The following NPR1 variants were observed in gnomAD, a reference collection of about 807,000 sequenced individuals.
NPR1 encodes the protein natriuretic peptide receptor 1.
NPR1 carries 57 observed loss-of-function variants against 116.9 expected under a neutral mutation model. The ratio of observed to expected loss-of-function variants is 0.49; its 90% CI spans 0.39 to 0.61. The LOEUF is 0.61. Ranked by LOEUF, NPR1 falls within the 20% of genes least tolerant of loss-of-function variation. The pLI, the probability that NPR1 is intolerant of heterozygous loss-of-function variation, is 0.00. For missense variants in NPR1, 1,096 were observed against 1,409.8 expected (o/e 0.78, Z 3.56); for synonymous variants, 555 against 601.6 (o/e 0.92, Z 1.13).
At position 153,689,436 on chromosome 1, in the gene NPR1, C is replaced by G. The variant is rs779325274; in HGVS notation, c.2689-17C>G. ...GTCCCCTACTTCCTGTCTCTCTTAGCTTCTCTTCCCTTCCAGGTGGTGACC... is the reference window on the plus strand; with the variant it reads ...GTCCCCTACTTCCTGTCTCTCTTAGGTTCTCTTCCCTTCCAGGTGGTGACC... On this transcript the variant is annotated splice_polypyrimidine_tract_variant and intron_variant, in intron 17 of 21. Transcript: ENST00000368680. The surrounding 1 kb of genome is among the most constrained non-coding windows in gnomAD (Gnocchi z 5.1). 1 of 1,614,116 alleles carries G rather than the reference C, an allele frequency of 6.2e-7. No individual in the cohort carries two copies. Among genetic ancestry groups the G allele is most frequent in the Non-Finnish European group, 8.5e-7 (1 of 1,179,972 alleles).
Position 153,681,198 on chromosome 1 carries a change from T to G in NPR1, c.940T>G (p.Tyr314Asp). Residue 314 changes from tyrosine to aspartate, a missense_variant, in exon 3 of 22, where the codon TAT becomes GAT. Physicochemically the swap from Tyr to Asp is radical, Grantham distance 160. Transcript: ENST00000368680. ...TTCTCAGGCTGCCAAAATCATTACATATAAAGACCCAGATAATCCCGAGTA... is the reference window on the plus strand; with the variant it reads ...TTCTCAGGCTGCCAAAATCATTACAGATAAAGACCCAGATAATCCCGAGTA... ...QAFQAAKIIT[Y>D]KDPDNPEYLE... The G allele has an allele frequency of 6.2e-7, 1 of 1,611,054 alleles. No individual in the cohort carries two copies.
intron 8 of NPR1, 42 bp from the exon 9 acceptor site, chr1:153,685,764 G>C: frequency 6.7e-7 from 1 of 1,503,286 alleles, no homozygotes; most frequent in Admixed American, 1.7e-5. Context: ...ATGCAGACTG[G>C]GCCCACCGGC....
chr1:153,688,111 G>A lies in NPR1; in HGVS notation c.2307G>A (p.Leu769=). 1 of 1,613,434 alleles carries A rather than the reference G, an allele frequency of 6.2e-7. No homozygotes were observed. The highest frequency in any genetic ancestry group is 8.5e-7 in the Non-Finnish European group (1 of 1,179,562). Residue 769 remains leucine, a synonymous_variant, in exon 15 of 22, where the codon CTG becomes CTA. Transcript: ENST00000368680. ...CCCCCTTCCGGCCCTCCCTGGCCCTGCAGAGTCACCTGGAGGAGTTGGGGC... is the reference window on the plus strand; with the variant it reads ...CCCCCTTCCGGCCCTCCCTGGCCCTACAGAGTCACCTGGAGGAGTTGGGGC... The part of the protein sequence containing the change: ...EQPPFRPSLA[L]QSHLEELGLL...
chr1:153,692,156 A>G (rs148477858), intron 20 of NPR1, among the ~76,000 whole-genome samples: 18 of 152,340 alleles, frequency 1.2e-4, no homozygotes, highest in African/African-American at 3.4e-4. Context: ...TAGGTAGCAC[A>G]TTCCGTTTGA....
In NPR1 at chr1:153,689,592, C is replaced by T. The variant is rs187174194; in HGVS notation, c.2757+71C>T. ...AGGTCAGAAAAAGATGAGGGGTAGG[C>T]AGAATGATGTGGAGTCTTAAGAGAG... On this transcript the variant is annotated intron_variant, in intron 18 of 21. Coordinates refer to ENST00000368680, the MANE Select transcript of NPR1 (RefSeq NM_000906.4). This position sits in a 1 kb window ranked among gnomAD's most constrained non-coding sequence, Gnocchi z 5.1. The T allele has an allele frequency of 3.4e-5, 49 of 1,449,006 alleles. No homozygotes were observed. The East Asian group carries it at 6.1e-4, about 18-fold the overall frequency. The allele number at this position is 1,449,006 out of a possible 1,614,324, so 89.8% of individuals were successfully genotyped here. A position where few individuals can be genotyped will look rare whatever the true frequency, so the allele number is the denominator to read the frequency against.
intron 5 of NPR1, 65 bp downstream of exon 5, chr1:153,682,654 C>A: frequency 2.5e-6 from 3 of 1,217,348 alleles, no homozygotes; most frequent in East Asian, 2.4e-5. Context: ...TACTTCCCCC[C>A]CACAGCCCTG....
At position 153,689,433 on chromosome 1, in the gene NPR1, T is replaced by C; in HGVS notation, c.2689-20T>C. On this transcript the variant is annotated intron_variant, in intron 17 of 21. Coordinates refer to ENST00000368680, the MANE Select transcript of NPR1 (RefSeq NM_000906.4). The surrounding 1 kb of genome is among the most constrained non-coding windows in gnomAD (Gnocchi z 5.1). Reference sequence around the variant, plus strand: ...GGGGTCCCCTACTTCCTGTCTCTCTTAGCTTCTCTTCCCTTCCAGGTGGTG... The same window carrying C: ...GGGGTCCCCTACTTCCTGTCTCTCTCAGCTTCTCTTCCCTTCCAGGTGGTG... The C allele has an allele frequency of 6.2e-7, 1 of 1,613,998 alleles. No homozygotes were observed. The highest frequency in any genetic ancestry group is 1.1e-5 in the South Asian group (1 of 91,082).
Position 153,687,769 on chromosome 1 carries a change from G to GT in NPR1, c.2231dup (p.Leu744PhefsTer16). The stretch of plus-strand genomic sequence containing the variant: ...AGGAGTGGGGTCTTCCACGTGGAAG[G>GT]TTTGGACCTGAGCCCCAAAGGTGAG... On this transcript the variant is annotated frameshift_variant, in exon 14 of 22. Transcript: ENST00000368680. LOFTEE classifies it high-confidence loss of function. The GT allele has an allele frequency of 6.3e-7, 1 of 1,593,670 alleles. No homozygotes were observed. Among genetic ancestry groups the GT allele is most frequent in the East Asian group, 2.3e-5 (1 of 44,248 alleles).
intron 15 of NPR1, 56 bp downstream of exon 15, chr1:153,688,277 C>G: frequency 6.4e-7 from 1 of 1,566,076 alleles, no homozygotes; most frequent in South Asian, 1.2e-5. Flanking sequence ...CACCATTTAC[C>G]TAATGCTTCT....
In NPR1 at chr1:153,679,349, G is replaced by T. The variant is rs1264377206; in HGVS notation, c.241G>T (p.Val81Leu). 3 of 1,539,390 alleles carry T rather than the reference G, an allele frequency of 1.9e-6. No individual in the cohort carries two copies. The South Asian group carries it at 3.6e-5, about 18-fold the overall frequency. The change falls in exon 1 of 22, where the codon GTG becomes TTG. Residue 81 changes from valine (V) to leucine (L), a missense_variant. Transcript: ENST00000368680. The surrounding 1 kb of genome is among the most constrained non-coding windows in gnomAD (Gnocchi z 4.2). ...DLLPGWTVRT[V>L]LGSSENALGV... ...GCTGCCGGGCTGGACGGTCCGCACGGTGCTGGGCAGCAGCGAAAACGCGCT... is the reference window on the plus strand; with the variant it reads ...GCTGCCGGGCTGGACGGTCCGCACGTTGCTGGGCAGCAGCGAAAACGCGCT...
chr1:153,690,135 T>TCA, intron 19 of NPR1, 149 bp from the exon 20 acceptor site: 2 of 593,076 alleles, frequency 3.4e-6, no homozygotes, highest in Non-Finnish European at 2.8e-6. Context: ...TCTCTCTCTC[T>TCA]CTCTCTCACA....
In NPR1 at chr1:153,683,789, G is replaced by C; in HGVS notation, c.1449G>C (p.Leu483Phe). The C allele has an allele frequency of 1.2e-6, 2 of 1,613,994 alleles. No individual in the cohort carries two copies. Among genetic ancestry groups the C allele is most frequent in the Middle Eastern group, 3.3e-4 (2 of 6,062 alleles). Residue 483 changes from leucine (L) to phenylalanine (F), a missense_variant, in exon 7 of 22, where the codon TTG becomes TTC. Transcript: ENST00000368680. ...EVLALVGSLS[L>F]LGILIVSFFI... ...TGGCTTTGGTGGGCAGCCTCTCCTT[G>C]CTCGGCATTCTGATTGTCTCCTTCT... is the stretch of plus-strand genomic sequence containing the variant.
At chr1:153,684,912 G>A in intron 7 of NPR1, 52 bp from the exon 8 acceptor site, 1 of 1,608,942 alleles carries the variant, frequency 6.2e-7, no homozygotes, top group Non-Finnish European at 8.5e-7. Context: ...TGAGCACCCT[G>A]CCCTGGGTCA....
At position 153,688,089 on chromosome 1, in the gene NPR1, C is replaced by G. The variant is rs757805955; in HGVS notation, c.2285C>G (p.Pro762Arg). 1.2e-6 allele frequency: 2 copies of G among 1,612,918 alleles called. No homozygotes were observed. The highest frequency in any genetic ancestry group is 1.3e-5 in the African/African-American group (1 of 74,982). The stretch of plus-strand genomic sequence containing the variant: ...CGGGTGACTCGGGGTGAGCAGCCCC[C>G]CTTCCGGCCCTCCCTGGCCCTGCAG... ...IERVTRGEQPPFRPSLALQSH... is the reference protein window; with the variant it reads ...IERVTRGEQPRFRPSLALQSH... The change falls in exon 15 of 22, where the codon CCC (proline) becomes CGC (arginine). Residue 762 changes from proline (P) to arginine (R), a missense_variant. By Grantham distance (103) the Pro-to-Arg change is moderately radical. Transcript: ENST00000368680.
intron 20 of NPR1, among the ~76,000 whole-genome samples, chr1:153,690,587 A>G (rs1211581145): frequency 6.6e-6 from 1 of 152,032 alleles, no homozygotes; most frequent in Non-Finnish European, 1.5e-5. Flanking sequence ...CCCTCTTGTC[A>G]AACGATGTAA....
chr1:153,687,523 G>T (rs1669964311), intron 13 of NPR1, 111 bp from the exon 14 acceptor site: 1 of 1,481,410 alleles, frequency 6.8e-7, no homozygotes, highest in Non-Finnish European at 9.1e-7. Context: ...GCCTCCTCTA[G>T]CTCTAACACT....
At chr1:153,691,711 A>G (rs1254684432) in intron 20 of NPR1, among the ~76,000 whole-genome samples, 2 of 152,120 alleles carry the variant, frequency 1.3e-5, no homozygotes, top group Non-Finnish European at 2.9e-5. Context: ...AGCCTGGCCA[A>G]CATGGTGAAC....
At chr1:153,686,591 A>G (rs1430342842) in intron 10 of NPR1, 55 bp from the exon 11 acceptor site, 2 of 1,421,442 alleles carry the variant, frequency 1.4e-6, no homozygotes, top group South Asian at 2.4e-5. Flanking sequence ...GCTAGTGAGC[A>G]GCTTGGTGAG....
intron 15 of NPR1, chr1:153,688,587 C>A: frequency 2.4e-6 from 1 of 415,382 alleles, no homozygotes; most frequent in Non-Finnish European, 4.4e-6. Context: ...CCCTTGATTT[C>A]CCTTCCCCAG....
Sources: allele counts gnomAD v4.1 joint callset (sites outside exome capture counted in the v4.1 genomes callset), GRCh38; gene constraint gnomAD v4.1.1; non-coding constraint Gnocchi (gnomAD v3.1); transcripts MANE v1.5; gene names NCBI Gene and HGNC (gene_info 2026-07-23, HGNC 2026-07-21).